The following ITGA4 variants were observed in gnomAD, a reference collection of about 807,000 sequenced individuals.
The protein encoded by ITGA4 is integrin subunit alpha 4.
Under a neutral mutation model 133.6 loss-of-function variants are expected in ITGA4, and 63 were observed. That is an observed-to-expected ratio of 0.47 (90% CI 0.38 to 0.58). ITGA4 has a LOEUF of 0.58. Ranked by LOEUF, ITGA4 falls within the 20% of genes least tolerant of loss-of-function variation. The pLI is 0.00. For missense variants in ITGA4, 1,076 were observed against 1,252.7 expected (o/e 0.86, Z 2.13); for synonymous variants, 483 against 438.0 (o/e 1.10, Z -1.28).
intron 2 of ITGA4, among the ~76,000 whole-genome samples, chr2:181,462,783 C>A (rs1222322856): frequency 6.6e-6 from 1 of 152,098 alleles, no homozygotes; most frequent in African/African-American, 2.4e-5. Context: ...TTAGTTTTTG[C>A]CTTAAGTTTA....
chr2:181,475,945 A>T (rs761447072), intron 4 of ITGA4: 20 of 1,439,828 alleles, frequency 1.4e-5, no homozygotes, highest in African/African-American at 2.9e-5. Context: ...TTAGGAGCTA[A>T]GAAACATATG....
Position 181,529,602 on chromosome 2 carries a change from C to A in ITGA4, c.2492C>A (p.Ser831Tyr), listed in dbSNP as rs1459164153. 1.9e-6 allele frequency: 3 copies of A among 1,609,136 alleles called. No homozygotes were observed. The highest frequency in any genetic ancestry group is 1.7e-5 in the Admixed American group (1 of 59,926). Residue 831 changes from serine (S) to tyrosine (Y), a missense_variant, in exon 23 of 28, where the codon TCT becomes TAT. Ser to Tyr is a moderately radical substitution (Grantham distance 144). Coordinates refer to ENST00000397033, the MANE Select transcript of ITGA4 (RefSeq NM_000885.6). ...NVSVEIMVPN[S>Y]FSPQTDKLFN... ...AGTGTGGAAATAATGGTACCAAATT[C>A]TTTTAGCCCCCAAACTGATAAGCTG...
intron 2 of ITGA4, among the ~76,000 whole-genome samples, chr2:181,464,928 C>T (rs1311809364): frequency 1.3e-5 from 2 of 152,094 alleles, no homozygotes; most frequent in Non-Finnish European, 2.9e-5. Context: ...CATTTTACCT[C>T]TGAGAATTTT....
intron 14 of ITGA4, among the ~76,000 whole-genome samples, chr2:181,496,272 T>C (rs1686156866): frequency 6.6e-6 from 1 of 152,132 alleles, no homozygotes; most frequent in Non-Finnish European, 1.5e-5. Flanking sequence ...TTTTATCAAG[T>C]GTCAATAATT....
intron 4 of ITGA4, chr2:181,475,981 A>C: frequency 8.0e-7 from 1 of 1,248,964 alleles, no homozygotes; most frequent in Non-Finnish European, 1.0e-6. Context: ...TTTTCTAACC[A>C]CCCTCACTCA....
intron 2 of ITGA4, among the ~76,000 whole-genome samples, chr2:181,473,881 A>G (rs923513198): frequency 6.6e-6 from 1 of 152,220 alleles, no homozygotes; most frequent in Non-Finnish European, 1.5e-5. Flanking sequence ...GGTCAACATT[A>G]TAGGAGGAGA....
intron 17 of ITGA4, among the ~76,000 whole-genome samples, chr2:181,514,851 T>C (rs1686575518): frequency 1.3e-5 from 2 of 152,164 alleles, no homozygotes; most frequent in African/African-American, 2.4e-5. Context: ...TTATTTTTCT[T>C]TGTTACATGT....
chr2:181,464,269 T>C (rs2105714115), intron 2 of ITGA4, among the ~76,000 whole-genome samples: 2 of 152,196 alleles, frequency 1.3e-5, no homozygotes, highest in Admixed American at 1.3e-4. Context: ...TTTAGAGAAT[T>C]AGTTCATTAG....
chr2:181,461,895 C>A (rs1433338232), intron 2 of ITGA4, among the ~76,000 whole-genome samples: 1 of 152,000 alleles, frequency 6.6e-6, no homozygotes, highest in Non-Finnish European at 1.5e-5. Context: ...TACATACTGG[C>A]TTTTGAATAC....
chr2:181,526,821 C>CTGTTTT (rs1686838700), intron 21 of ITGA4, among the ~76,000 whole-genome samples: 1 of 40,994 alleles, frequency 2.4e-5, no homozygotes, highest in Admixed American at 4.0e-4. Flanking sequence ...AGCACATGGC[C>CTGTTTT]TTTTTTTTTT....
intron 17 of ITGA4, among the ~76,000 whole-genome samples, chr2:181,517,877 A>G (rs1478097922): frequency 2.6e-5 from 4 of 152,066 alleles, no homozygotes; most frequent in East Asian, 1.9e-4. Context: ...CTAAGTGCCA[A>G]CTTCTTTCCC....
At chr2:181,501,799 G>T (rs551895630) in intron 15 of ITGA4, among the ~76,000 whole-genome samples, 3 of 152,128 alleles carry the variant, frequency 2.0e-5, no homozygotes, top group Admixed American at 6.6e-5. Flanking sequence ...GAGTTCAGTC[G>T]TGGGCCTGCT....
chr2:181,496,065 T>C, intron 14 of ITGA4, 128 bp downstream of exon 14: 5 of 865,740 alleles, frequency 5.8e-6, no homozygotes, highest in Non-Finnish European at 9.1e-6. Context: ...AGAAGCTACC[T>C]GATGCATGCT....
intron 27 of ITGA4, 109 bp downstream of exon 27, chr2:181,535,044 C>T: frequency 1.0e-5 from 13 of 1,255,436 alleles, no homozygotes; most frequent in Non-Finnish European, 1.4e-5. Flanking sequence ...TGAATGTTAA[C>T]TTTTTATGTT....
intron 6 of ITGA4, among the ~76,000 whole-genome samples, chr2:181,481,339 T>A (rs1457176067): frequency 6.6e-6 from 1 of 152,176 alleles, no homozygotes; most frequent in Non-Finnish European, 1.5e-5. Context: ...CTGATTATAC[T>A]GCACCAGATG....
intron 22 of ITGA4, among the ~76,000 whole-genome samples, chr2:181,529,167 G>A (rs2105770488): frequency 6.6e-6 from 1 of 152,126 alleles, no homozygotes; most frequent in South Asian, 2.1e-4. Context: ...TCCCTTAGCT[G>A]GTGAATACCA....
At chr2:181,491,597 A>AT (rs968978135) in intron 10 of ITGA4, among the ~76,000 whole-genome samples, 2 of 152,074 alleles carry the variant, frequency 1.3e-5, no homozygotes, top group African/African-American at 4.8e-5. Flanking sequence ...AAGGCTTGTT[A>AT]TTTTTTTCAT....
chr2:181,504,164 C>T (rs1402285251), intron 15 of ITGA4, among the ~76,000 whole-genome samples: 2 of 152,038 alleles, frequency 1.3e-5, no homozygotes, highest in African/African-American at 4.8e-5. Flanking sequence ...AGTTGCTGAA[C>T]AAAGAATGCC....
At chr2:181,533,190 G>C (rs1480672981) in intron 25 of ITGA4, among the ~76,000 whole-genome samples, 1 of 152,122 alleles carries the variant, frequency 6.6e-6, no homozygotes, top group Non-Finnish European at 1.5e-5. Flanking sequence ...TGTTCAATAT[G>C]GATAAATGAG....
Sources: allele counts gnomAD v4.1 joint callset (sites outside exome capture counted in the v4.1 genomes callset), GRCh38; gene constraint gnomAD v4.1.1; transcripts MANE v1.5; gene names NCBI Gene and HGNC (gene_info 2026-07-23, HGNC 2026-07-21).